Variants in GXYLT2 observed in about 807,000 individuals in gnomAD.
GXYLT2 encodes the protein glycosyltransferase 8 domain containing 4.
In GXYLT2, 53 loss-of-function variants were observed where a neutral mutation model predicts 45.8. That is an observed-to-expected ratio of 1.16 (90% CI 0.93 to 1.46). The LOEUF (loss-of-function observed/expected upper bound fraction) is 1.46. GXYLT2 is among the 40% of genes most tolerant of loss of function. The pLI is 0.00. For missense variants in GXYLT2, 551 were observed against 544.4 expected (o/e 1.01, Z -0.12); for synonymous variants, 219 against 214.2 (o/e 1.02, Z -0.19).
chr3:72,914,550 C>T (rs559744408), intron 2 of GXYLT2, among the ~76,000 whole-genome samples: 100 of 150,982 alleles, frequency 6.6e-4, no homozygotes, highest in African/African-American at 2.0e-3. Context: ...TGTGTGTGCG[C>T]GCGCGCGCTT....
chr3:72,924,866 C>T (rs762836972), intron 3 of GXYLT2, among the ~76,000 whole-genome samples: 8 of 151,660 alleles, frequency 5.3e-5, no homozygotes, highest in East Asian at 1.9e-4. Context: ...TATGGCTCAA[C>T]GTAAGAAATA....
At chr3:72,925,403 G>A (rs1056606188) in intron 3 of GXYLT2, among the ~76,000 whole-genome samples, 2 of 151,984 alleles carry the variant, frequency 1.3e-5, no homozygotes, top group African/African-American at 2.4e-5. Flanking sequence ...TGATCCGCCC[G>A]CCTCGGCCTC....
At chr3:72,954,794 C>T (rs1203632716) in intron 3 of GXYLT2, among the ~76,000 whole-genome samples, 1 of 152,078 alleles carries the variant, frequency 6.6e-6, no homozygotes, top group Non-Finnish European at 1.5e-5. Context: ...CAATAATTTG[C>T]TGATGTTTTC....
At chr3:72,949,184 C>T (rs1710467308) in intron 3 of GXYLT2, among the ~76,000 whole-genome samples, 1 of 152,162 alleles carries the variant, frequency 6.6e-6, no homozygotes, top group Non-Finnish European at 1.5e-5. Context: ...CGGGCACCTG[C>T]CCACTTGGAC....
At chr3:72,949,314 A>G (rs1320904116) in intron 3 of GXYLT2, among the ~76,000 whole-genome samples, 6 of 151,624 alleles carry the variant, frequency 4.0e-5, no homozygotes, top group Non-Finnish European at 7.4e-5. Flanking sequence ...CTCTCCGCTT[A>G]TTTATCTCTT....
chr3:72,924,705 C>A (rs961057387), intron 3 of GXYLT2, among the ~76,000 whole-genome samples: 4 of 152,022 alleles, frequency 2.6e-5, no homozygotes, highest in Non-Finnish European at 4.4e-5. Context: ...AATTTACCAA[C>A]CTTCATGATT....
chr3:72,920,820 T>TA (rs1559734879), intron 2 of GXYLT2, among the ~76,000 whole-genome samples: 2 of 97,858 alleles, frequency 2.0e-5, no homozygotes, highest in African/African-American at 1.5e-4. Context: ...ATATATGTAT[T>TA]TTTTTTTTTT....
chr3:72,958,920 C>T (rs186145719), intron 5 of GXYLT2, among the ~76,000 whole-genome samples: 7 of 150,350 alleles, frequency 4.7e-5, no homozygotes, highest in South Asian at 4.2e-4. Flanking sequence ...GCATCAGCCA[C>T]GGTGCCCAGG....
Position 72,975,224 on chromosome 3 carries a change from G to A in GXYLT2, c.*65G>A, listed in dbSNP as rs1711073963. ...CCAAGGAAATACTAATCTCTAAGCT[G>A]CCTGGGTCTTTTTGTGTGAATATTT... is the stretch of plus-strand genomic sequence containing the variant. On this transcript the variant is annotated 3_prime_UTR_variant, in exon 7 of 7. Transcript: ENST00000389617. 1 of 1,238,836 alleles carries A rather than the reference G, an allele frequency of 8.1e-7. No individual in the cohort carries two copies. Among genetic ancestry groups the A allele is most frequent in the South Asian group, 1.6e-5 (1 of 63,958 alleles). The allele number at this position is 1,238,836 out of a possible 1,614,324, so 76.7% of individuals were successfully genotyped here.
Position 72,888,468 on chromosome 3 carries a change from GC to G in GXYLT2, c.236del (p.Ala79GlyfsTer71). ...RRRPPRPRPR[A>X]GRRGAARLEK... ...CCGGCCCCCGCGTCCGCGCCCCCGA[GC>G]GGGCCGCCGGGGCGCTGCGAGACTG... is the stretch of plus-strand genomic sequence containing the variant. On this transcript the variant is annotated frameshift_variant, in exon 1 of 7. Transcript: ENST00000389617. LOFTEE classifies it high-confidence loss of function. 1 of 1,247,476 alleles carries G rather than the reference GC, an allele frequency of 8.0e-7. No homozygotes were observed. Among genetic ancestry groups the G allele is most frequent in the Non-Finnish European group, 1.0e-6 (1 of 991,724 alleles). The allele number at this position is 1,247,476 out of a possible 1,614,324, so 77.3% of individuals were successfully genotyped here.
At chr3:72,901,488 T>G (rs554487512) in intron 1 of GXYLT2, among the ~76,000 whole-genome samples, 2 of 150,766 alleles carry the variant, frequency 1.3e-5, no homozygotes, top group East Asian at 3.9e-4. Flanking sequence ...AAGTATACTA[T>G]TCCATCGTTT....
intron 2 of GXYLT2, among the ~76,000 whole-genome samples, chr3:72,912,365 G>A (rs2107086317): frequency 6.6e-6 from 1 of 152,052 alleles, no homozygotes; most frequent in African/African-American, 2.4e-5. Flanking sequence ...GCCCAGGCTG[G>A]TTTTGAACTC....
Position 72,888,306 on chromosome 3 carries a change from C to T in GXYLT2, c.73C>T (p.Leu25=). Residue 25 remains leucine (L), a synonymous_variant, in exon 1 of 7, where the codon CTG becomes TTG. Transcript: ENST00000389617. ...CGCGCTGCTGCTGGCGCTGCTGTCC[C>T]TGCGCGCTGGCCGCGCTGAGCCCCC... The part of the protein sequence containing the change: ...LAALLLALLS[L]RAGRAEPPAL... 1.0e-6 allele frequency: 1 copy of T among 989,610 alleles called. No individual in the cohort carries two copies. The highest frequency in any genetic ancestry group is 1.2e-6 in the Non-Finnish European group (1 of 835,020). 61.3% of individuals were successfully genotyped at this position (989,610 alleles called of 1,614,324 possible).
intron 3 of GXYLT2, among the ~76,000 whole-genome samples, chr3:72,952,472 G>A (rs1358205085): frequency 6.6e-6 from 1 of 152,126 alleles, no homozygotes; most frequent in Non-Finnish European, 1.5e-5. Context: ...TTTGATACTT[G>A]TATCGTGTAG....
intron 2 of GXYLT2, among the ~76,000 whole-genome samples, chr3:72,920,796 A>G (rs1709817907): frequency 6.8e-6 from 1 of 146,012 alleles, no homozygotes; most frequent in African/African-American, 2.7e-5. Flanking sequence ...TAAAATGTAC[A>G]TGCATATATA....
chr3:72,975,146 A>G lies in GXYLT2; in HGVS notation c.1319A>G (p.Asn440Ser), dbSNP rs1331791542. ...CACGTCATCATCCATGTTGGCCCCA[A>G]CCAGATGCACTGAATATTTTGTCTT... ...EKHVIIHVGP[N>S]QMH Residue 440 changes from asparagine to serine, a missense_variant, in exon 7 of 7, where the codon AAC becomes AGC. Coordinates refer to ENST00000389617, the MANE Select transcript of GXYLT2 (RefSeq NM_001080393.2). The G allele has an allele frequency of 6.8e-6, 11 of 1,611,104 alleles. No individual in the cohort carries two copies. Among genetic ancestry groups the G allele is most frequent in the Non-Finnish European group, 9.3e-6 (11 of 1,178,512 alleles).
Position 72,969,415 on chromosome 3 carries a change from G to A in GXYLT2, c.1149+1696G>A, listed in dbSNP as rs996040986. ...CTCAAAAAAAAAAAAAAAAATTCAC[G>A]ACAGAAGAAAACTATATGAAATTCA... is the stretch of plus-strand genomic sequence containing the variant. On this transcript the variant is annotated intron_variant, in intron 6 of 6. Transcript: ENST00000389617. Among the ~76,000 whole-genome samples the A allele has an allele frequency of 5.3e-5, 8 of 150,694 alleles. No individual in the cohort carries two copies. In the South Asian group the frequency reaches 1.0e-3, roughly 20 times the overall value.
chr3:72,913,113 C>G (rs1420461774), intron 2 of GXYLT2, among the ~76,000 whole-genome samples: 1 of 150,622 alleles, frequency 6.6e-6, no homozygotes, highest in African/African-American at 2.4e-5. Context: ...TCTCGGCTCA[C>G]TGCAAGCTCC....
chr3:72,917,870 G>A (rs1463818892), intron 2 of GXYLT2, among the ~76,000 whole-genome samples: 3 of 151,974 alleles, frequency 2.0e-5, no homozygotes, highest in Admixed American at 1.3e-4. Context: ...AATGCTCAGG[G>A]AGAACAGTTT....
Sources: allele counts gnomAD v4.1 joint callset (sites outside exome capture counted in the v4.1 genomes callset), GRCh38; gene constraint gnomAD v4.1.1; transcripts MANE v1.5; gene names NCBI Gene and HGNC (gene_info 2026-07-23, HGNC 2026-07-21).